The following XYLT1 variants were observed in gnomAD, a reference collection of about 807,000 sequenced individuals.
XYLT1 encodes the protein xylosyltransferase 1.
XYLT1 carries 36 observed loss-of-function variants against 91.3 expected under a neutral mutation model. The ratio of observed to expected loss-of-function variants is 0.39; its 90% CI spans 0.30 to 0.52. The LOEUF is 0.52. Among genes scored for constraint, XYLT1 ranks in the 20% least tolerant of loss-of-function variants. The pLI, the probability that XYLT1 is intolerant of heterozygous loss-of-function variation, is 0.68. For missense variants in XYLT1, 1,242 were observed against 1,284.5 expected, an observed-to-expected ratio of 0.97 and a Z score of 0.51; for synonymous variants, 588 against 532.0, an observed-to-expected ratio of 1.11 and a Z score of -1.45.
intron 1 of XYLT1, among the ~76,000 whole-genome samples, chr16:17,410,537 T>G (rs1420704892): frequency 6.6e-6 from 1 of 151,934 alleles, no homozygotes. Flanking sequence ...CCCCCATGAT[T>G]AAATCACCTC....
chr16:17,317,903 A>G (rs1424009582), intron 2 of XYLT1, among the ~76,000 whole-genome samples: 1 of 152,100 alleles, frequency 6.6e-6, no homozygotes, highest in Admixed American at 6.6e-5. Context: ...CTCTGCCTGG[A>G]ATGCTTTTCC....
In XYLT1 at chr16:17,285,874, CTGTG is replaced by C. The variant is rs56267931; in HGVS notation, c.403-26380_403-26377del. On this transcript the variant is annotated intron_variant, in intron 2 of 11. Transcript: ENST00000261381. ...GTCTAGCCCCAAACCTGGTGTATCT[CTGTG>C]TGTGTGTGTGTGTGTGTGTGTGTGT... Among the ~76,000 whole-genome samples, 632 of 145,242 alleles carry C rather than the reference CTGTG, an allele frequency of 4.4e-3. 6 individuals are homozygous for C. The highest frequency in any genetic ancestry group is 0.011 in the Middle Eastern group (3 of 280).
intron 1 of XYLT1, chr16:17,446,426 G>A (rs886249142): frequency 6.6e-6 from 1 of 152,182 alleles, no homozygotes; most frequent in Non-Finnish European, 1.5e-5. Context: ...ATGGCACACT[G>A]AGGCAGAGAG....
intron 1 of XYLT1, among the ~76,000 whole-genome samples, chr16:17,405,956 G>A (rs1322973159): frequency 6.6e-6 from 1 of 152,170 alleles, no homozygotes; most frequent in Non-Finnish European, 1.5e-5. Context: ...AGGCTGAGGT[G>A]GGTGGATCAC....
At chr16:17,384,042 C>T (rs1397333116) in intron 1 of XYLT1, among the ~76,000 whole-genome samples, 1 of 151,876 alleles carries the variant, frequency 6.6e-6, no homozygotes, top group Non-Finnish European at 1.5e-5. Context: ...GCCACCGCGC[C>T]GGCCCCTAAG....
chr16:17,218,795 G>C lies in XYLT1; in HGVS notation c.914-18141C>G, dbSNP rs138149720. ...TGGGAGTGACTAGAAGATCCTCCAC[G>C]GGCACAGCCTGAGATCACTGTAAAA... On this transcript the variant is annotated intron_variant, in intron 3 of 11. Coordinates refer to ENST00000261381, the MANE Select transcript of XYLT1 (RefSeq NM_022166.4). Among the ~76,000 whole-genome samples the C allele has an allele frequency of 2.0e-4, 31 of 152,180 alleles. 1 individual carries two copies. The East Asian group carries it at 5.4e-3, about 27-fold the overall frequency.
intron 11 of XYLT1, among the ~76,000 whole-genome samples, chr16:17,115,607 T>C (rs1329048270): frequency 6.6e-6 from 1 of 151,570 alleles, no homozygotes; most frequent in South Asian, 2.1e-4. Flanking sequence ...GCCTCCCAAG[T>C]AGCTGGGACT....
At chr16:17,165,303 T>G (rs867112598) in intron 5 of XYLT1, among the ~76,000 whole-genome samples, 1 of 152,232 alleles carries the variant, frequency 6.6e-6, no homozygotes, top group African/African-American at 2.4e-5. Flanking sequence ...TATACATGGA[T>G]TTTTGTGTAA....
intron 1 of XYLT1, among the ~76,000 whole-genome samples, chr16:17,378,446 A>G (rs1046678874): frequency 1.3e-5 from 2 of 152,228 alleles, no homozygotes; most frequent in Non-Finnish European, 2.9e-5. Flanking sequence ...CCAGGTCACC[A>G]GTCAATGGAT....
chr16:17,337,266 T>C (rs769833322), intron 2 of XYLT1, among the ~76,000 whole-genome samples: 18 of 152,000 alleles, frequency 1.2e-4, no homozygotes, highest in Non-Finnish European at 2.5e-4. Flanking sequence ...TGGCTCATTG[T>C]AGCCTCCACC....
chr16:17,175,362 T>C (rs2031918640), intron 5 of XYLT1, among the ~76,000 whole-genome samples: 1 of 152,206 alleles, frequency 6.6e-6, no homozygotes, highest in African/African-American at 2.4e-5. Context: ...AGTTGCTTGC[T>C]GAGGCACTTG....
In XYLT1 at chr16:17,198,394, C is replaced by T. The variant is rs1473500687; in HGVS notation, c.1107G>A (p.Arg369=). Residue 369 remains arginine (R), a synonymous_variant, in exon 5 of 12, where the codon CGG becomes CGA. Coordinates refer to ENST00000261381, the MANE Select transcript of XYLT1 (RefSeq NM_022166.4). ...ACTGCCTGGAGACCTGGAGCACTTG[C>T]CGATGCAGGTAATTAGAGCGCTTTT... ...HVDKRSNYLH[R]QVLQVSRQYS... is the part of the protein sequence containing the mutation. The T allele has an allele frequency of 6.2e-7, 1 of 1,614,056 alleles. No individual in the cohort carries two copies. Among genetic ancestry groups the T allele is most frequent in the Non-Finnish European group, 8.5e-7 (1 of 1,180,000 alleles).
chr16:17,269,291 C>A (rs1231414017), intron 2 of XYLT1, among the ~76,000 whole-genome samples: 1 of 152,020 alleles, frequency 6.6e-6, no homozygotes, highest in Non-Finnish European at 1.5e-5. Context: ...CTCAAGCGAT[C>A]CTCCTGCCTC....
intron 3 of XYLT1, among the ~76,000 whole-genome samples, chr16:17,233,630 A>T (rs2033201282): frequency 6.6e-6 from 1 of 152,224 alleles, no homozygotes; most frequent in African/African-American, 2.4e-5. Context: ...AAATTAAAAT[A>T]GTTGTCAGTT....
intron 2 of XYLT1, among the ~76,000 whole-genome samples, chr16:17,320,583 G>A (rs191886965): frequency 2.0e-5 from 3 of 150,138 alleles, no homozygotes; most frequent in East Asian, 2.0e-4. Flanking sequence ...GGGTTCAAGC[G>A]ATTCTCCTGC....
intron 1 of XYLT1, among the ~76,000 whole-genome samples, chr16:17,415,267 A>G (rs1488581948): frequency 7.2e-5 from 11 of 152,050 alleles, no homozygotes; most frequent in Admixed American, 7.2e-4. Flanking sequence ...ACACATATAT[A>G]TTGAGTGCCT....
intron 2 of XYLT1, among the ~76,000 whole-genome samples, chr16:17,333,466 A>G (rs1009183259): frequency 6.6e-6 from 1 of 152,082 alleles, no homozygotes; most frequent in South Asian, 2.1e-4. Flanking sequence ...ATGGGACAGC[A>G]CAGATCTGGA....
chr16:17,384,837 G>A (rs190333082), intron 1 of XYLT1, among the ~76,000 whole-genome samples: 7 of 151,956 alleles, frequency 4.6e-5, no homozygotes, highest in African/African-American at 1.7e-4. Flanking sequence ...TGACAGCACC[G>A]GTATGTAAAG....
intron 2 of XYLT1, among the ~76,000 whole-genome samples, chr16:17,270,712 A>G (rs531803692): frequency 6.6e-6 from 1 of 152,274 alleles, no homozygotes; most frequent in Non-Finnish European, 1.5e-5. Context: ...TTATCTCAAA[A>G]AGTAGGTCAG....
Sources: gnomAD v4.1 joint callset for allele counts (sites outside exome capture counted in the v4.1 genomes callset) on GRCh38, gnomAD v4.1.1 for gene constraint, MANE v1.5 for transcripts, NCBI Gene and HGNC (gene_info 2026-07-23, HGNC 2026-07-21) for gene names.